Variants in CD180 observed in about 807,000 individuals in gnomAD.
CD180 encodes CD180 molecule.
CD180 carries 11 observed loss-of-function variants against 10.7 expected under a neutral mutation model. The observed-to-expected ratio is 1.03, with a 90% confidence interval of 0.65 to 1.70. The LOEUF (loss-of-function observed/expected upper bound fraction) is 1.70, where lower values mean the gene tolerates loss of function less well. Ranked by LOEUF, CD180 falls within the 40% of genes most tolerant of loss-of-function variation. The pLI is 0.00. For missense variants in CD180, 729 were observed against 775.2 expected (o/e 0.94, Z 0.71); for synonymous variants, 286 against 294.6 (o/e 0.97, Z 0.30).
At position 67,181,257 on chromosome 5, in the gene CD180, TGGA is replaced by T. The variant is rs1232851392; in HGVS notation, c.*1597_*1599del. On this transcript the variant is annotated 3_prime_UTR_variant, in exon 3 of 3. Coordinates refer to ENST00000256447, the MANE Select transcript of CD180 (RefSeq NM_005582.3). ...ACCAGGTGAGGCATAGAGGTTGCTT[TGGA>T]TTAGCTAGGTCAGAGAAGAAATCCC... The T allele has an allele frequency of 1.3e-5, 2 of 152,202 alleles. No homozygotes were observed. The highest frequency in any genetic ancestry group is 3.8e-4 in the East Asian group (2 of 5,196). 9.4% of individuals were successfully genotyped at this position (152,202 alleles called of 1,614,324 possible).
chr5:67,188,128 C>A (rs1383085243), intron 1 of CD180, among the ~76,000 whole-genome samples: 1 of 151,794 alleles, frequency 6.6e-6, no homozygotes, highest in African/African-American at 2.4e-5. Context: ...CAAGATTGCA[C>A]CACTGCACTC....
chr5:67,183,209 C>A lies in CD180; in HGVS notation c.1634G>T (p.Gly545Val), dbSNP rs148764952. 229 of 1,612,798 alleles carry A rather than the reference C, an allele frequency of 1.4e-4. No individual in the cohort carries two copies. In the African/African-American group the frequency reaches 2.6e-3, roughly 19 times the overall value. Residue 545 changes from glycine (G) to valine (V), a missense_variant, in exon 3 of 3, where the codon GGA becomes GTA. By Grantham distance (109) the Gly-to-Val change is moderately radical. Transcript: ENST00000256447. Reference sequence around the variant, plus strand: ...GTTGGCAGCCAGATTGAGGTAGATTCCCTTAAGATGGCTAAGAGAATCAAT... The same window carrying A: ...GTTGGCAGCCAGATTGAGGTAGATTACCTTAAGATGGCTAAGAGAATCAAT... ...DSIDSLSHLK[G>V]IYLNLAANSI...
intron 1 of CD180, among the ~76,000 whole-genome samples, chr5:67,193,655 T>C (rs1490540887): frequency 1.3e-5 from 2 of 152,216 alleles, no homozygotes; most frequent in African/African-American, 2.4e-5. Context: ...GTTGTTGTAT[T>C]GGAAGGTTTC....
rs550916015 is a variant in CD180 at position 67,182,485 on chromosome 5, C to T, written c.*372G>A. On this transcript the variant is annotated 3_prime_UTR_variant, in exon 3 of 3. Transcript: ENST00000256447. ...GGGGCTGATGATCTCCTTTCAGGGGCGGGGTGTGTGGTGCTGGGAGGGATG... is the reference window on the plus strand; with the variant it reads ...GGGGCTGATGATCTCCTTTCAGGGGTGGGGTGTGTGGTGCTGGGAGGGATG... 177 of 164,656 alleles carry T rather than the reference C, an allele frequency of 1.1e-3. No individual in the cohort carries two copies. Among genetic ancestry groups the T allele is most frequent in the African/African-American group, 3.8e-3 (159 of 41,778 alleles). The allele number at this position is 164,656 out of a possible 1,614,324, so 10.2% of individuals were successfully genotyped here.
chr5:67,192,555 G>A (rs1742330588), intron 1 of CD180, among the ~76,000 whole-genome samples: 3 of 152,098 alleles, frequency 2.0e-5, no homozygotes, highest in Admixed American at 2.0e-4. Context: ...GCAGAAGGCA[G>A]ACGGGGAGCA....
Position 67,184,436 on chromosome 5 carries a change from C to A in CD180, c.407G>T (p.Gly136Val). 2 of 1,614,078 alleles carry A rather than the reference C, an allele frequency of 1.2e-6. No individual in the cohort carries two copies. The highest frequency in any genetic ancestry group is 1.7e-4 in the Middle Eastern group (1 of 6,060). The change falls in exon 3 of 3, where the codon GGA (glycine) becomes GTA (valine). Residue 136 changes from glycine to valine, a missense_variant. Physicochemically the swap from Gly to Val is moderately radical, Grantham distance 109. Coordinates refer to ENST00000256447, the MANE Select transcript of CD180 (RefSeq NM_005582.3). ...SLKHLFLIQT[G>V]ISNLEFIPVH... ...TGGAATAAACTCGAGATTGGATATT[C>A]CCGTTTGGATTAAGAAAAGATGCTT...
rs1350786572 is a variant in CD180 at position 67,183,103 on chromosome 5, G to C, written c.1740C>G (p.Asp580Glu). 1 of 1,611,316 alleles carries C rather than the reference G, an allele frequency of 6.2e-7. No individual in the cohort carries two copies. The change falls in exon 3 of 3, where the codon GAC (aspartate) becomes GAG (glutamate). Residue 580 changes from aspartate to glutamate, a missense_variant. Asp to Glu is a conservative substitution (Grantham distance 45). Transcript: ENST00000256447. Reference protein sequence around the residue: ...STINLSHNPLDCTCSNIHFLT... With the variant: ...STINLSHNPLECTCSNIHFLT... The stretch of plus-strand genomic sequence containing the variant: ...AGAAATGAATATTCGAGCAAGTGCA[G>C]TCCAGGGGGTTATGACTTAAATTAA...
intron 1 of CD180, among the ~76,000 whole-genome samples, chr5:67,192,320 G>A (rs541785377): frequency 6.6e-6 from 1 of 152,296 alleles, no homozygotes; most frequent in South Asian, 2.1e-4. Context: ...CTGGGAGGTG[G>A]AGCTTGCAGT....
chr5:67,195,255 C>T (rs559424219), intron 1 of CD180, among the ~76,000 whole-genome samples: 7 of 152,292 alleles, frequency 4.6e-5, no homozygotes, highest in South Asian at 2.1e-4. Context: ...CTTGCTCTGT[C>T]GCCAAGGCTG....
At chr5:67,187,360 C>T (rs1181422652) in intron 1 of CD180, among the ~76,000 whole-genome samples, 3 of 152,084 alleles carry the variant, frequency 2.0e-5, no homozygotes, top group Admixed American at 6.5e-5. Context: ...GTGGCATAGA[C>T]CTGAGGCCTT....
intron 2 of CD180, among the ~76,000 whole-genome samples, chr5:67,184,826 C>T (rs1183763499): frequency 6.6e-6 from 1 of 151,942 alleles, no homozygotes; most frequent in East Asian, 1.9e-4. Flanking sequence ...AGGTTTGTGC[C>T]TGTATTCTAA....
rs929093354 is a variant in CD180, at chr5:67,183,283, T to C, written c.1560A>G (p.Gly520=). 2 of 1,614,072 alleles carry C rather than the reference T, an allele frequency of 1.2e-6. No homozygotes were observed. Among genetic ancestry groups the C allele is most frequent in the African/African-American group, 1.3e-5 (1 of 74,924 alleles). ...SIDQQAFHSL[G]KMSHVDLSHN... ...GGCTTAAGTCTACATGGCTCATTTT[T>C]CCCAAGCTGTGGAATGCTTGCTGGT... Residue 520 remains glycine (G), a synonymous_variant, in exon 3 of 3, where the codon GGA becomes GGG. Transcript: ENST00000256447.
Position 67,195,832 on chromosome 5 carries a change from T to C in CD180, c.90+720A>G, listed in dbSNP as rs572945270. On this transcript the variant is annotated intron_variant, in intron 1 of 2. Coordinates refer to ENST00000256447, the MANE Select transcript of CD180 (RefSeq NM_005582.3). ...ACCAAGACTCATGGTTCCTCCTGTA[T>C]GCAGCCCTTGTCTGACAGGCCACGT... Among the ~76,000 whole-genome samples, 93 of 152,318 alleles carry C rather than the reference T, an allele frequency of 6.1e-4. 1 individual carries two copies. The South Asian group carries it at 0.019, about 31-fold the overall frequency.
At chr5:67,190,993 A>G in intron 1 of CD180, 1 of 985,406 alleles carries the variant, frequency 1.0e-6, no homozygotes, top group Non-Finnish European at 1.2e-6. Context: ...CATGCATCAG[A>G]AGTCTGGGAC....
chr5:67,185,078 A>G (rs1742159146), intron 2 of CD180, among the ~76,000 whole-genome samples: 1 of 151,794 alleles, frequency 6.6e-6, no homozygotes, highest in Non-Finnish European at 1.5e-5. Context: ...ACACACACAC[A>G]CACACACACA....
rs576169945 is a variant in CD180 at position 67,181,720 on chromosome 5, A to C, written c.*1137T>G. ...ACTTCAGAAGATACAGGCCTGTGTGAGTATGGCCCTTTAAGCCTAAGTCAT... is the reference window on the plus strand; with the variant it reads ...ACTTCAGAAGATACAGGCCTGTGTGCGTATGGCCCTTTAAGCCTAAGTCAT... On this transcript the variant is annotated 3_prime_UTR_variant, in exon 3 of 3. Coordinates refer to ENST00000256447, the MANE Select transcript of CD180 (RefSeq NM_005582.3). 18 of 152,358 alleles carry C rather than the reference A, an allele frequency of 1.2e-4. No individual in the cohort carries two copies. Among genetic ancestry groups the C allele is most frequent in the Admixed American group, 2.6e-4 (4 of 15,298 alleles). 9.4% of individuals were successfully genotyped at this position (152,358 alleles called of 1,614,324 possible). A position where few individuals can be genotyped will look rare whatever the true frequency, so the allele number is the denominator to read the frequency against.
intron 1 of CD180, among the ~76,000 whole-genome samples, chr5:67,195,081 A>G (rs1017025560): frequency 1.3e-5 from 2 of 152,188 alleles, no homozygotes; most frequent in Non-Finnish European, 2.9e-5. Context: ...GAGGGTGCAG[A>G]AGCAGCAAAC....
intron 1 of CD180, among the ~76,000 whole-genome samples, chr5:67,196,014 G>T (rs919004774): frequency 6.6e-6 from 1 of 152,220 alleles, no homozygotes; most frequent in Admixed American, 6.5e-5. Flanking sequence ...AACAGAAGGT[G>T]CAATTTGGCT....
At chr5:67,190,591 C>A (rs544538702) in intron 1 of CD180, among the ~76,000 whole-genome samples, 1 of 152,350 alleles carries the variant, frequency 6.6e-6, no homozygotes, top group East Asian at 1.9e-4. Flanking sequence ...ACTCACACAG[C>A]GAGTAGAGCT....
Sources: allele counts gnomAD v4.1 joint callset (sites outside exome capture counted in the v4.1 genomes callset), GRCh38; gene constraint gnomAD v4.1.1; transcripts MANE v1.5; gene names NCBI Gene and HGNC (gene_info 2026-07-23, HGNC 2026-07-21).